FBXO11: variants seen among roughly 807,000 people sequenced by gnomAD.
FBXO11 encodes F-box protein 11.
Under a neutral mutation model 117.0 loss-of-function variants are expected in FBXO11, and 13 were observed. That is an observed-to-expected ratio of 0.11 (90% CI 0.07 to 0.18). The LOEUF is 0.18. Ranked by LOEUF, FBXO11 falls within the 10% of genes least tolerant of loss-of-function variation. The pLI is 1.00. For synonymous variants in FBXO11, 490 were observed against 380.5 expected (o/e 1.29, Z -3.35); for missense variants, 767 against 1,164.4 (o/e 0.66, Z 4.97).
At chr2:47,813,890 T>A (rs1234501389) in intron 16 of FBXO11, 23 bp from the exon 17 acceptor site, 1 of 1,561,438 alleles carries the variant, frequency 6.4e-7, no homozygotes, top group Non-Finnish European at 8.8e-7. Context: ...TAGACAATAA[T>A]ACCATTTCAA....
intron 1 of FBXO11, among the ~76,000 whole-genome samples, chr2:47,892,445 C>G (rs1327764114): frequency 6.6e-6 from 1 of 152,216 alleles, no homozygotes; most frequent in East Asian, 1.9e-4. Flanking sequence ...ACTTTACATA[C>G]TGTGATCAAC....
intron 5 of FBXO11, among the ~76,000 whole-genome samples, chr2:47,835,206 G>C (rs1672459398): frequency 1.3e-5 from 2 of 152,116 alleles, no homozygotes; most frequent in Admixed American, 1.3e-4. Context: ...CTCCCATTGT[G>C]ACAATCAAAA....
chr2:47,891,589 C>T, intron 1 of FBXO11, among the ~76,000 whole-genome samples: 1 of 152,170 alleles, frequency 6.6e-6, no homozygotes, highest in Non-Finnish European at 1.5e-5. Context: ...CATGGGAGTG[C>T]TAGTATTTCT....
chr2:47,869,249 C>T (rs1558458826), intron 1 of FBXO11, among the ~76,000 whole-genome samples: 1 of 152,144 alleles, frequency 6.6e-6, no homozygotes, highest in Non-Finnish European at 1.5e-5. Flanking sequence ...GCTCTGCTGG[C>T]CTAAAAGTTT....
At chr2:47,810,292 C>A (rs376980191) in intron 19 of FBXO11, 24 bp downstream of exon 19, 4 of 1,474,528 alleles carry the variant, frequency 2.7e-6, no homozygotes, top group Non-Finnish European at 3.7e-6. Context: ...ATATAAGCCA[C>A]AGGTAAGAAA....
chr2:47,843,579 T>C (rs1224435645), intron 1 of FBXO11, among the ~76,000 whole-genome samples: 3 of 152,214 alleles, frequency 2.0e-5, no homozygotes, highest in Non-Finnish European at 4.4e-5. Flanking sequence ...ATCTTCATTA[T>C]GTAATGGCTT....
At chr2:47,812,300 T>A (rs1046465738) in intron 18 of FBXO11, among the ~76,000 whole-genome samples, 1 of 152,224 alleles carries the variant, frequency 6.6e-6, no homozygotes, top group Admixed American at 6.5e-5. Context: ...AGGTGTTAAA[T>A]CAGTATCTAA....
At chr2:47,884,444 C>G (rs1477363352) in intron 1 of FBXO11, among the ~76,000 whole-genome samples, 1 of 152,176 alleles carries the variant, frequency 6.6e-6, no homozygotes, top group Non-Finnish European at 1.5e-5. Flanking sequence ...CTGTCCCTTT[C>G]GGATGTTTTT....
At position 47,900,865 on chromosome 2, in the gene FBXO11, C is replaced by CACACACACGTGTATATATACACGTATAT. The variant is rs1678173825; in HGVS notation, c.232+4623_232+4624insATATACGTGTATATATACACGTGTGTGT. Among the ~76,000 whole-genome samples the CACACACACGTGTATATATACACGTATAT allele has an allele frequency of 1.1e-4, 7 of 63,018 alleles. No homozygotes were observed. The East Asian group carries it at 1.1e-3, about 10-fold the overall frequency. 41.3% of individuals were successfully genotyped at this position (63,018 alleles called of 152,430 possible). A position where few individuals can be genotyped will look rare whatever the true frequency, so the allele number is the denominator to read the frequency against. ...ACACGTGTATATATATACACGTATA[C>CACACACACGTGTATATATACACGTATAT]ACACACACGTGTATATATATACACG... On this transcript the variant is annotated intron_variant, in intron 1 of 22. Coordinates refer to ENST00000403359, the MANE Select transcript of FBXO11 (RefSeq NM_001190274.2).
At chr2:47,817,965 T>TG (rs1671122321) in intron 16 of FBXO11, among the ~76,000 whole-genome samples, 1 of 152,094 alleles carries the variant, frequency 6.6e-6, no homozygotes, top group African/African-American at 2.4e-5. Flanking sequence ...CTGACCAATA[T>TG]GGAGAAACCC....
rs1026291425 is a variant in FBXO11, at chr2:47,905,953, G to T, written c.-233C>A. 3.4e-5 allele frequency: 15 copies of T among 444,920 alleles called. No individual in the cohort carries two copies. The highest frequency in any genetic ancestry group is 8.1e-5 in the South Asian group (2 of 24,796). The allele number at this position is 444,920 out of a possible 1,614,324, so 27.6% of individuals were successfully genotyped here. ...GGCCGGCCGGGAGGGCCTGACGCAC[G>T]GGGAAGGCCGAAGCCGCCGGGCGGG... On this transcript the variant is annotated 5_prime_UTR_variant, in exon 1 of 23. Coordinates refer to ENST00000403359, the MANE Select transcript of FBXO11 (RefSeq NM_001190274.2).
intron 1 of FBXO11, among the ~76,000 whole-genome samples, chr2:47,843,731 G>GCTT (rs1491223264): frequency 5.3e-5 from 8 of 151,650 alleles, no homozygotes; most frequent in Non-Finnish European, 7.4e-5. Context: ...TAGATTTGCT[G>GCTT]CTGCTTCTTC....
chr2:47,837,243 T>C (rs1404263898), intron 4 of FBXO11, among the ~76,000 whole-genome samples: 1 of 152,176 alleles, frequency 6.6e-6, no homozygotes, highest in Non-Finnish European at 1.5e-5. Context: ...ATGTAAGGTG[T>C]GGGCCGGGCA....
At chr2:47,843,525 G>C (rs1673172301) in intron 1 of FBXO11, among the ~76,000 whole-genome samples, 1 of 151,406 alleles carries the variant, frequency 6.6e-6, no homozygotes, top group Non-Finnish European at 1.5e-5. Flanking sequence ...TCTTCCTGGT[G>C]AATTATTCCA....
intron 1 of FBXO11, among the ~76,000 whole-genome samples, chr2:47,902,362 A>G (rs541505109): frequency 6.6e-6 from 1 of 152,238 alleles, no homozygotes; most frequent in Admixed American, 6.5e-5. Flanking sequence ...TGAACACAAT[A>G]GTCCATGAAA....
chr2:47,837,799 C>T (rs573334196), intron 4 of FBXO11, among the ~76,000 whole-genome samples: 4 of 152,122 alleles, frequency 2.6e-5, no homozygotes, highest in Non-Finnish European at 4.4e-5. Context: ...GGCACGATCA[C>T]GGCTTTCTGC....
In FBXO11 at chr2:47,845,467, C is replaced by G. The variant is rs368084146; in HGVS notation, c.233-5698G>C. 2.5e-3 allele frequency among the ~76,000 whole-genome samples: 375 copies of G among 152,246 alleles called. 3 individuals carry two copies. The highest frequency in any genetic ancestry group is 7.7e-3 in the African/African-American group (318 of 41,544). On this transcript the variant is annotated intron_variant, in intron 1 of 22. Coordinates refer to ENST00000403359, the MANE Select transcript of FBXO11 (RefSeq NM_001190274.2). ...AATTACTACTGACTGTTCTGAGAAT[C>G]AAGTACAGTGCCAGAAGTTACTTAA...
intron 1 of FBXO11, among the ~76,000 whole-genome samples, chr2:47,845,164 T>A (rs114311548): frequency 0.01 from 1,053 of 103,684 alleles, 6 homozygotes; most frequent in African/African-American, 0.035. Context: ...CACCCTGGAA[T>A]CCTTTGCTTC....
intron 1 of FBXO11, among the ~76,000 whole-genome samples, chr2:47,903,955 T>C (rs1391802999): frequency 6.6e-6 from 1 of 152,236 alleles, no homozygotes; most frequent in African/African-American, 2.4e-5. Flanking sequence ...CTTTTACCAA[T>C]TATGTTGCAC....
Sources: allele counts gnomAD v4.1 joint callset (sites outside exome capture counted in the v4.1 genomes callset), GRCh38; gene constraint gnomAD v4.1.1; transcripts MANE v1.5; gene names NCBI Gene and HGNC (gene_info 2026-07-23, HGNC 2026-07-21).